The following MPPED2 variants were observed in gnomAD, a reference collection of about 807,000 sequenced individuals.
The protein encoded by MPPED2 is metallophosphoesterase MPPED2.
Under a neutral mutation model 33.0 loss-of-function variants are expected in MPPED2, and 5 were observed. The observed-to-expected ratio is 0.15, with a 90% CI of 0.08 to 0.32. The LOEUF is 0.32. MPPED2 is among the 10% of genes least tolerant of loss of function. MPPED2 has a pLI of 1.00. For synonymous variants in MPPED2, 136 were observed against 141.9 expected, an observed-to-expected ratio of 0.96 and a Z score of 0.29; for missense variants, 275 against 372.1, an observed-to-expected ratio of 0.74 and a Z score of 2.15.
At chr11:30,564,599 T>C (rs1311459292) in intron 2 of MPPED2, among the ~76,000 whole-genome samples, 1 of 152,172 alleles carries the variant, frequency 6.6e-6, no homozygotes, top group Non-Finnish European at 1.5e-5. Context: ...GGCAGTATGC[T>C]TCTGGAAACC....
At chr11:30,392,161 T>C (rs976534230) in intron 6 of MPPED2, among the ~76,000 whole-genome samples, 1 of 152,240 alleles carries the variant, frequency 6.6e-6, no homozygotes, top group African/African-American at 2.4e-5. Context: ...TTCAACAACA[T>C]TTTTGAACAC....
intron 1 of MPPED2, among the ~76,000 whole-genome samples, chr11:30,585,507 A>G (rs997789130): frequency 6.6e-6 from 1 of 151,854 alleles, no homozygotes; most frequent in Admixed American, 6.5e-5. Context: ...AACACAATGC[A>G]CCCAGGCCTA....
rs75829174 is a variant in MPPED2, at chr11:30,562,492, T to C, written c.128+17754A>G. Among the ~76,000 whole-genome samples, 175 of 152,290 alleles carry C rather than the reference T, an allele frequency of 1.1e-3. 3 individuals are homozygous for C. In the East Asian group the frequency reaches 0.027, roughly 23 times the overall value. On this transcript the variant is annotated intron_variant, in intron 2 of 6. Transcript: ENST00000358117. The stretch of plus-strand genomic sequence containing the variant: ...TGGGAGAAGAATCAAACCTGATGCA[T>C]GCCTACAGGGAAAAACTAGGAAATA...
rs147001971 is a variant in MPPED2, at chr11:30,457,314, G to A, written c.536+37982C>T. ...GGATCCTTACTGATGTCATAAGCCC[G>A]TACTATAAAAGCTCAAAAAGAGCTT... On this transcript the variant is annotated intron_variant, in intron 4 of 6. Transcript: ENST00000358117. Among the ~76,000 whole-genome samples, 1,025 of 149,212 alleles carry A rather than the reference G, an allele frequency of 6.9e-3. 8 individuals carry two copies. Among genetic ancestry groups the A allele is most frequent in the African/African-American group, 0.024 (958 of 40,458 alleles).
chr11:30,516,820 A>C (rs1027478852), intron 3 of MPPED2, among the ~76,000 whole-genome samples: 7 of 152,220 alleles, frequency 4.6e-5, no homozygotes, highest in Non-Finnish European at 1.0e-4. Flanking sequence ...TGTGTTAAAA[A>C]AAAGAAAGAA....
chr11:30,421,861 T>A (rs560846052), intron 4 of MPPED2, among the ~76,000 whole-genome samples: 3 of 152,302 alleles, frequency 2.0e-5, no homozygotes, highest in African/African-American at 7.2e-5. Flanking sequence ...GAGGTGGCCT[T>A]TAGTAAAAAC....
intron 3 of MPPED2, among the ~76,000 whole-genome samples, chr11:30,528,757 T>C (rs920891665): frequency 1.3e-5 from 2 of 152,202 alleles, no homozygotes; most frequent in Non-Finnish European, 1.5e-5. Context: ...TGCATCCAGC[T>C]ATCGTCATCT....
chr11:30,386,779 C>T (rs1341170962), exon 7 of MPPED2: 3 of 398,370 alleles, frequency 7.5e-6, no homozygotes, highest in Admixed American at 4.4e-5. Flanking sequence ...GTGCATAGTC[C>T]ATGATTCTTG....
intron 2 of MPPED2, among the ~76,000 whole-genome samples, chr11:30,566,141 T>G (rs1275944201): frequency 6.6e-6 from 1 of 152,082 alleles, no homozygotes; most frequent in Admixed American, 6.6e-5. Context: ...TCAAGTAAAC[T>G]CCACATATTA....
chr11:30,455,629 C>A (rs920030052), intron 4 of MPPED2, among the ~76,000 whole-genome samples: 4 of 152,216 alleles, frequency 2.6e-5, no homozygotes, highest in African/African-American at 9.6e-5. Context: ...CTACAACTTA[C>A]GCTTTCCTCC....
At chr11:30,551,657 GA>G (rs1482597400) in intron 2 of MPPED2, among the ~76,000 whole-genome samples, 2 of 152,156 alleles carry the variant, frequency 1.3e-5, no homozygotes, top group Non-Finnish European at 2.9e-5. Context: ...TCGTTTAAAA[GA>G]AAAACAGATG....
chr11:30,464,159 T>C (rs1377553828), intron 4 of MPPED2, among the ~76,000 whole-genome samples: 2 of 152,090 alleles, frequency 1.3e-5, no homozygotes, highest in Non-Finnish European at 1.5e-5. Flanking sequence ...AGTTGATCTT[T>C]TATCAGAGGC....
intron 4 of MPPED2, among the ~76,000 whole-genome samples, chr11:30,434,035 A>C (rs1023662395): frequency 6.6e-6 from 1 of 151,744 alleles, no homozygotes; most frequent in African/African-American, 2.4e-5. Context: ...TGTGGCCACA[A>C]CTCTCACTCT....
intron 4 of MPPED2, among the ~76,000 whole-genome samples, chr11:30,440,630 A>G (rs1294032127): frequency 1.3e-5 from 2 of 152,212 alleles, no homozygotes; most frequent in Non-Finnish European, 2.9e-5. Context: ...TCAAGGCAGC[A>G]AAACTGGTAG....
intron 3 of MPPED2, among the ~76,000 whole-genome samples, chr11:30,519,454 A>T (rs1953728951): frequency 6.6e-6 from 1 of 151,870 alleles, no homozygotes; most frequent in Non-Finnish European, 1.5e-5. Flanking sequence ...AATAGTACTG[A>T]TGGTGGTGGT....
At chr11:30,580,652 A>G (rs1957124332) in intron 1 of MPPED2, among the ~76,000 whole-genome samples, 158 bp from the exon 2 acceptor site, 1 of 152,228 alleles carries the variant, frequency 6.6e-6, no homozygotes, top group African/African-American at 2.4e-5. Context: ...TCTTCCCTTC[A>G]TGCACTTCAA....
intron 4 of MPPED2, among the ~76,000 whole-genome samples, chr11:30,482,760 T>TAA (rs10650893): frequency 0.08 from 12,126 of 152,166 alleles, 1,538 homozygotes; most frequent in African/African-American, 0.27. Context: ...AATGCATTCA[T>TAA]AATTATGTAT....
chr11:30,480,742 C>G (rs1244601397), intron 4 of MPPED2, among the ~76,000 whole-genome samples: 2 of 152,146 alleles, frequency 1.3e-5, no homozygotes, highest in Admixed American at 1.3e-4. Context: ...CTGTGTTCTT[C>G]CTAGAGTGTC....
At chr11:30,540,197 T>G (rs1395324944) in intron 2 of MPPED2, among the ~76,000 whole-genome samples, 1 of 152,220 alleles carries the variant, frequency 6.6e-6, no homozygotes, top group East Asian at 1.9e-4. Context: ...TGCCTAATTT[T>G]CTGTGTTGCT....
Sources: allele counts gnomAD v4.1 joint callset (sites outside exome capture counted in the v4.1 genomes callset), GRCh38; gene constraint gnomAD v4.1.1; transcripts MANE v1.5; gene names NCBI Gene and HGNC (gene_info 2026-07-23, HGNC 2026-07-21).